The following ZMYND11 variants were observed in gnomAD, a reference collection of about 807,000 sequenced individuals.
ZMYND11 encodes the protein zinc finger MYND-type containing 11, also known as zinc finger MYND domain-containing protein 11.
A neutral mutation model predicts 84.9 loss-of-function variants in ZMYND11; 9 were observed. That is an observed-to-expected ratio of 0.11 (90% CI 0.06 to 0.18). ZMYND11 has a LOEUF of 0.18. ZMYND11 is among the 10% of genes least tolerant of loss of function. The pLI, the probability that ZMYND11 is intolerant of heterozygous loss-of-function variation, is 1.00. For synonymous variants in ZMYND11, 250 were observed against 244.1 expected, an observed-to-expected ratio of 1.02 and a Z score of -0.23; for missense variants, 409 against 761.0, an observed-to-expected ratio of 0.54 and a Z score of 5.44.
Position 202,558 on chromosome 10 carries a change from C to G in ZMYND11, c.117-7331C>G, listed in dbSNP as rs540337976. Reference sequence around the variant, plus strand: ...ATCCAGAAAACAAAGTTATTGACTCCTTTGTTAGATTCTCAAGGTGCATCA... The same window carrying G: ...ATCCAGAAAACAAAGTTATTGACTCGTTTGTTAGATTCTCAAGGTGCATCA... On this transcript the variant is annotated intron_variant, in intron 2 of 14. Transcript: ENST00000381604. Among the ~76,000 whole-genome samples, 4 of 151,842 alleles carry G rather than the reference C, an allele frequency of 2.6e-5. No homozygotes were observed. In the South Asian group the frequency reaches 8.3e-4, roughly 32 times the overall value.
intron 1 of ZMYND11, among the ~76,000 whole-genome samples, chr10:138,898 C>T (rs1278373336): frequency 1.3e-5 from 2 of 152,306 alleles, no homozygotes; most frequent in East Asian, 1.9e-4. Flanking sequence ...GGCTGGAGTG[C>T]AGTGGCACAA....
chr10:236,509 A>G (rs1949996046), intron 4 of ZMYND11, among the ~76,000 whole-genome samples: 1 of 152,206 alleles, frequency 6.6e-6, no homozygotes, highest in Non-Finnish European at 1.5e-5. Context: ...GGCCATTGAT[A>G]TTGTTTGTAA....
chr10:135,069 G>A (rs1835587434), upstream of ZMYND11: 1 of 149,464 alleles, frequency 6.7e-6, no homozygotes, highest in Non-Finnish European at 1.5e-5. This position sits in a 1 kb window ranked among gnomAD's most constrained non-coding sequence, Gnocchi z 5.6. Flanking sequence ...GTGGGGCCGA[G>A]CGGCCGCCCC....
chr10:143,363 G>C (rs1306337835), intron 1 of ZMYND11, among the ~76,000 whole-genome samples: 1 of 152,192 alleles, frequency 6.6e-6, no homozygotes, highest in Non-Finnish European at 1.5e-5. Flanking sequence ...TTCTCTTGTA[G>C]ATTCTTGATT....
Position 249,014 on chromosome 10 carries a change from G to C in ZMYND11, c.1612G>C (p.Glu538Gln). Reference protein sequence around the residue: ...CKQVKEKCKEEFVEEIKKLAT... With the variant: ...CKQVKEKCKEQFVEEIKKLAT... ...GCAAGTAAAGGAAAAGTGTAAGGAAGAATTTGTAGAAGAAATCAAGAAGCT... is the reference window on the plus strand; with the variant it reads ...GCAAGTAAAGGAAAAGTGTAAGGAACAATTTGTAGAAGAAATCAAGAAGCT... The change falls in exon 14 of 15, where the codon GAA becomes CAA. Residue 538 changes from glutamate to glutamine, a missense_variant. Transcript: ENST00000381604. 6.2e-7 allele frequency: 1 copy of C among 1,614,180 alleles called. No individual in the cohort carries two copies. The highest frequency in any genetic ancestry group is 8.5e-7 in the Non-Finnish European group (1 of 1,180,022).
chr10:207,179 T>C (rs1944347772), intron 2 of ZMYND11, among the ~76,000 whole-genome samples: 1 of 152,254 alleles, frequency 6.6e-6, no homozygotes, highest in Admixed American at 6.5e-5. Context: ...CATCATTTTT[T>C]ATGGCTGCAT....
chr10:189,535 T>C (rs559476434), intron 2 of ZMYND11, among the ~76,000 whole-genome samples: 8 of 152,348 alleles, frequency 5.3e-5, no homozygotes, highest in Non-Finnish European at 7.3e-5. Context: ...TTCTTACATA[T>C]CTTATTATGA....
chr10:180,175 CT>C (rs1847545065), intron 2 of ZMYND11, 47 bp downstream of exon 2: 1 of 1,523,430 alleles, frequency 6.6e-7, no homozygotes, highest in Non-Finnish European at 9.0e-7. Context: ...TCGTAGAAGA[CT>C]TTGGGGGAAA....
Position 252,352 on chromosome 10 carries a change from A to G in ZMYND11, c.1691A>G (p.Tyr564Cys). 3.1e-6 allele frequency: 5 copies of G among 1,614,082 alleles called. No homozygotes were observed. Among genetic ancestry groups the G allele is most frequent in the Non-Finnish European group, 4.2e-6 (5 of 1,179,990 alleles). ...GCCCCGATTTCTTACCTGCAGTGCT[A>G]CAACTGTGAGGAGGAGGCCATGTAC... ...ISQTKKKQWCYNCEEEAMYHC... is the reference protein window; with the variant it reads ...ISQTKKKQWCCNCEEEAMYHC... Residue 564 changes from tyrosine to cysteine, a missense_variant, in exon 15 of 15, where the codon TAC becomes TGC. Coordinates refer to ENST00000381604, the MANE Select transcript of ZMYND11 (RefSeq NM_001370100.5). The surrounding 1 kb of genome is among the most constrained non-coding windows in gnomAD (Gnocchi z 4.6).
At position 135,720 on chromosome 10, in the gene ZMYND11, C is replaced by T. The variant is rs1554751785; in HGVS notation, c.-20+161C>T. On this transcript the variant is annotated intron_variant, in intron 1 of 14. Coordinates refer to ENST00000381604, the MANE Select transcript of ZMYND11 (RefSeq NM_001370100.5). This position sits in a 1 kb window ranked among gnomAD's most constrained non-coding sequence, Gnocchi z 5.6. ...CCGCTCGCGAAGAGCTCCGAGCTGC[C>T]GGGGAGCTTTGTGGATGGCGGGGCG... Among the ~76,000 whole-genome samples the T allele has an allele frequency of 1.4e-5, 2 of 142,558 alleles. No individual in the cohort carries two copies. Among genetic ancestry groups the T allele is most frequent in the South Asian group, 2.2e-4 (1 of 4,552 alleles). The allele number at this position is 142,558 out of a possible 152,430, so 93.5% of individuals were successfully genotyped here. A position where few individuals can be genotyped will look rare whatever the true frequency, so the allele number is the denominator to read the frequency against.
upstream of ZMYND11, chr10:134,988 G>C (rs1267200611): frequency 6.7e-6 from 1 of 149,348 alleles, no homozygotes; most frequent in Non-Finnish European, 1.5e-5. Flanking sequence ...AGAGCCCCCA[G>C]TGCGCGGCCC....
At chr10:179,121 G>A (rs1310458530) in intron 1 of ZMYND11, among the ~76,000 whole-genome samples, 2 of 152,162 alleles carry the variant, frequency 1.3e-5, no homozygotes, top group African/African-American at 4.8e-5. Context: ...AGATGTTTCA[G>A]TGCGTCCCCA....
At chr10:139,785 C>G (rs1476421846) in intron 1 of ZMYND11, among the ~76,000 whole-genome samples, 1 of 138,704 alleles carries the variant, frequency 7.2e-6, no homozygotes, top group Non-Finnish European at 1.5e-5. Context: ...CATCTTGGCT[C>G]ACTACAACCT....
intron 1 of ZMYND11, among the ~76,000 whole-genome samples, chr10:173,405 A>G (rs1554766160): frequency 1.3e-5 from 2 of 152,244 alleles, no homozygotes; most frequent in African/African-American, 4.8e-5. Context: ...AGGACCATCA[A>G]GCAAAACATA....
intron 14 of ZMYND11, among the ~76,000 whole-genome samples, chr10:250,522 CTT>C (rs1387373316): frequency 2.0e-5 from 3 of 151,580 alleles, no homozygotes; most frequent in African/African-American, 4.9e-5. Flanking sequence ...GTAGAAATCT[CTT>C]AAGTTTACTA....
At chr10:132,266 C>T (rs1003808819), upstream of ZMYND11, among the ~76,000 whole-genome samples, 1 of 149,094 alleles carries the variant, frequency 6.7e-6, no homozygotes, top group Non-Finnish European at 1.5e-5. Context: ...CTTGCTGCTG[C>T]TCAAAAAAAA....
intron 1 of ZMYND11, among the ~76,000 whole-genome samples, chr10:173,750 C>G (rs1377925805): frequency 1.3e-5 from 2 of 152,112 alleles, no homozygotes; most frequent in Non-Finnish European, 2.9e-5. Context: ...GGCAAAAGAC[C>G]TGGCTGGACA....
intron 1 of ZMYND11, chr10:154,826 G>A (rs1841315613): frequency 6.6e-6 from 1 of 152,006 alleles, no homozygotes; most frequent in African/African-American, 2.4e-5. Flanking sequence ...GGCTACAAAT[G>A]AAATATAAGA....
intron 1 of ZMYND11, among the ~76,000 whole-genome samples, chr10:149,448 CT>C (rs1564269051): frequency 1.3e-5 from 2 of 151,916 alleles, no homozygotes; most frequent in Admixed American, 1.3e-4. Context: ...GTAGCTGAGA[CT>C]ACAGGCGCCT....
Sources: allele counts gnomAD v4.1 joint callset (sites outside exome capture counted in the v4.1 genomes callset), GRCh38; gene constraint gnomAD v4.1.1; non-coding constraint Gnocchi (gnomAD v3.1); transcripts MANE v1.5; gene names NCBI Gene and HGNC (gene_info 2026-07-23, HGNC 2026-07-21).